Variants in TEX10 observed in about 807,000 individuals in gnomAD.
TEX10 encodes testis expressed 10, also known as testis-expressed protein 10.
A neutral mutation model predicts 104.4 loss-of-function variants in TEX10; 24 were observed. The observed-to-expected ratio is 0.23, with a 90% CI of 0.17 to 0.32. The LOEUF (loss-of-function observed/expected upper bound fraction) is 0.32, where lower values mean the gene tolerates loss of function less well. Among genes scored for constraint, TEX10 ranks in the 10% least tolerant of loss-of-function variants. The pLI, the probability that TEX10 is intolerant of heterozygous loss-of-function variation, is 1.00. For missense variants in TEX10, 921 were observed against 1,083.9 expected (o/e 0.85, Z 2.11); for synonymous variants, 396 against 393.4 (o/e 1.01, Z -0.08).
chr9:100,327,862 T>C lies in TEX10; in HGVS notation c.1726A>G (p.Ile576Val), dbSNP rs368352983. The change falls in exon 8 of 15, where the codon ATC becomes GTC. Residue 576 changes from isoleucine (I) to valine (V), a missense_variant. Ile to Val is a conservative substitution (Grantham distance 29). This residue lies in a region of TEX10 where 753 missense variants were observed against 868.4 expected (regional missense o/e 0.87). Transcript: ENST00000374902. ...GCTCGTGCTGCAGCGGTATGAATGA[T>C]ATCGATAAGCTGTGTAGAGAGCTCA... ...NPELSTQLID[I>V]IHTAAARANK... The C allele has an allele frequency of 1.2e-6, 2 of 1,608,874 alleles. No individual in the cohort carries two copies. Among genetic ancestry groups the C allele is most frequent in the Non-Finnish European group, 8.5e-7 (1 of 1,176,368 alleles).
chr9:100,302,596 C>CCTCT (rs1268244481), intron 14 of TEX10, among the ~76,000 whole-genome samples: 1 of 152,202 alleles, frequency 6.6e-6, no homozygotes, highest in Non-Finnish European at 1.5e-5. Flanking sequence ...TTCACCCTTG[C>CCTCT]CTCTCCCTCT....
chr9:100,342,639 A>G (rs918385258), intron 4 of TEX10, among the ~76,000 whole-genome samples: 2 of 152,212 alleles, frequency 1.3e-5, no homozygotes, highest in African/African-American at 4.8e-5. Context: ...GTATGACTGC[A>G]TTAGTGTTTG....
At chr9:100,347,435 T>A in intron 2 of TEX10, 29 bp from the exon 3 acceptor site, 1 of 1,491,246 alleles carries the variant, frequency 6.7e-7, no homozygotes, top group Non-Finnish European at 9.0e-7. Context: ...ATTTTAGATG[T>A]ATACTTATAT....
intron 1 of TEX10, among the ~76,000 whole-genome samples, chr9:100,350,692 A>T (rs1835418004): frequency 6.6e-6 from 1 of 152,222 alleles, no homozygotes; most frequent in South Asian, 2.1e-4. Flanking sequence ...GGTATAAAAA[A>T]ATGGGTAAAA....
chr9:100,329,021 A>G (rs1588176794), intron 7 of TEX10, 119 bp downstream of exon 7: 1 of 1,117,074 alleles, frequency 9.0e-7, no homozygotes, highest in East Asian at 2.5e-5. Flanking sequence ...AATGCAAACA[A>G]GTAGGATTAA....
intron 11 of TEX10, among the ~76,000 whole-genome samples, chr9:100,317,540 A>G (rs1834452099): frequency 6.6e-6 from 1 of 152,216 alleles, no homozygotes. Context: ...AAATAATAAG[A>G]ATCTACAGAA....
At chr9:100,352,654 A>G in intron 1 of TEX10, 118 bp downstream of exon 1, 2 of 1,430,054 alleles carry the variant, frequency 1.4e-6, no homozygotes, top group Non-Finnish European at 1.8e-6. Flanking sequence ...GACCCGGGGG[A>G]CGCAAATCGT....
At chr9:100,307,440 C>G (rs1446681018) in intron 13 of TEX10, 1 of 152,038 alleles carries the variant, frequency 6.6e-6, no homozygotes, top group Non-Finnish European at 1.5e-5. Flanking sequence ...TTTGCTGAAC[C>G]CTGGTATGGA....
At chr9:100,333,558 C>G (rs541357846) in intron 5 of TEX10, among the ~76,000 whole-genome samples, 1 of 150,670 alleles carries the variant, frequency 6.6e-6, no homozygotes, top group Non-Finnish European at 1.5e-5. Flanking sequence ...GTAATCCCAA[C>G]GCTTTGGGAG....
At chr9:100,329,415 A>G (rs1179072601) in intron 6 of TEX10, 140 bp from the exon 7 acceptor site, 2 of 901,594 alleles carry the variant, frequency 2.2e-6, no homozygotes, top group Non-Finnish European at 3.3e-6. Flanking sequence ...CTACCATTGA[A>G]GTCCTATAGC....
intron 5 of TEX10, among the ~76,000 whole-genome samples, chr9:100,334,939 A>G (rs1834970942): frequency 6.6e-6 from 1 of 152,176 alleles, no homozygotes; most frequent in Non-Finnish European, 1.5e-5. Flanking sequence ...TGCTGGGATT[A>G]CAGGCGTGAG....
rs1302981598 is a variant in TEX10 at position 100,346,333 on chromosome 9, GA to G, written c.894-19del. 1.9e-6 allele frequency: 3 copies of G among 1,576,592 alleles called. No homozygotes were observed. The South Asian group carries it at 3.5e-5, about 19-fold the overall frequency. On this transcript the variant is annotated intron_variant, in intron 3 of 14. Coordinates refer to ENST00000374902, the MANE Select transcript of TEX10 (RefSeq NM_017746.4). ...CCAGATACCTAATAAGGGTAAGAAA[GA>G]AAAAAATTAAGTGATTAAAAAATGT...
intron 13 of TEX10, 180 bp from the exon 14 acceptor site, chr9:100,304,022 C>T (rs1834083587): frequency 3.2e-6 from 2 of 620,826 alleles, no homozygotes; most frequent in Admixed American, 2.8e-5. Context: ...CACTAAATAC[C>T]TAGGAATACA....
chr9:100,303,907 A>C, intron 13 of TEX10, 65 bp from the exon 14 acceptor site: 3 of 1,472,368 alleles, frequency 2.0e-6, no homozygotes, highest in Non-Finnish European at 2.8e-6. Flanking sequence ...CCCCTTCTAT[A>C]TTCCCCCAAA....
At chr9:100,314,414 A>G (rs1266413273) in intron 11 of TEX10, among the ~76,000 whole-genome samples, 1 of 151,980 alleles carries the variant, frequency 6.6e-6, no homozygotes, top group Non-Finnish European at 1.5e-5. Context: ...CAATTTAACC[A>G]TACTACTCAT....
At chr9:100,334,768 G>A (rs547074312) in intron 5 of TEX10, among the ~76,000 whole-genome samples, 3 of 151,340 alleles carry the variant, frequency 2.0e-5, no homozygotes, top group South Asian at 4.2e-4. Flanking sequence ...GGCTTCAAGT[G>A]ATTCTCCCAC....
chr9:100,351,588 CCCTT>C (rs1835451161), intron 1 of TEX10, among the ~76,000 whole-genome samples: 1 of 152,146 alleles, frequency 6.6e-6, no homozygotes, highest in Non-Finnish European at 1.5e-5. Context: ...AAAATTAACT[CCCTT>C]CCTCCTCCAC....
At chr9:100,340,165 T>TTG in intron 5 of TEX10, 92 bp downstream of exon 5, 1 of 671,064 alleles carries the variant, frequency 1.5e-6, no homozygotes, top group Non-Finnish European at 2.4e-6. Flanking sequence ...TACACAGCAG[T>TTG]GTAGAAAGTT....
At chr9:100,327,603 T>C (rs1834740620) in intron 8 of TEX10, among the ~76,000 whole-genome samples, 184 bp downstream of exon 8, 1 of 152,132 alleles carries the variant, frequency 6.6e-6, no homozygotes, top group South Asian at 2.1e-4. Context: ...ATCATTAACC[T>C]TCTATATTCT....
Sources: gnomAD v4.1 joint callset for allele counts (sites outside exome capture counted in the v4.1 genomes callset) on GRCh38, gnomAD v4.1.1 for gene constraint, gnomAD v4.1.1 regional missense constraint, MANE v1.5 for transcripts, NCBI Gene and HGNC (gene_info 2026-07-23, HGNC 2026-07-21) for gene names.